CYB5A: variants seen among roughly 807,000 people sequenced by gnomAD.
CYB5A encodes the protein cytochrome b5.
A neutral mutation model predicts 16.2 loss-of-function variants in CYB5A; 10 were observed. The observed-to-expected ratio is 0.62, with a 90% CI of 0.38 to 1.04. The LOEUF (loss-of-function observed/expected upper bound fraction) is 1.04, where lower values mean the gene tolerates loss of function less well. CYB5A is among the 50% of genes least tolerant of loss of function. The pLI is 0.01. For synonymous variants in CYB5A, 62 were observed against 57.0 expected, an observed-to-expected ratio of 1.09 and a Z score of -0.40; for missense variants, 161 against 165.9, an observed-to-expected ratio of 0.97 and a Z score of 0.16.
chr18:74,282,098 G>A (rs1402728451), intron 1 of CYB5A, among the ~76,000 whole-genome samples: 4 of 152,032 alleles, frequency 2.6e-5, no homozygotes, highest in Admixed American at 1.3e-4. Context: ...AGCCTCCCTC[G>A]ATGCCATTCT....
intron 1 of CYB5A, among the ~76,000 whole-genome samples, chr18:74,279,626 C>G (rs1983014230): frequency 6.6e-6 from 1 of 151,924 alleles, no homozygotes; most frequent in Non-Finnish European, 1.5e-5. Context: ...GCAGGATTGA[C>G]AGTGGCATGT....
intron 1 of CYB5A, among the ~76,000 whole-genome samples, chr18:74,289,133 C>T (rs1458506714): frequency 1.3e-5 from 2 of 152,154 alleles, no homozygotes; most frequent in Admixed American, 6.5e-5. Flanking sequence ...AGGGGTCAGC[C>T]ACCCTCTTGT....
At chr18:74,284,233 C>CA (rs1308439463) in intron 1 of CYB5A, among the ~76,000 whole-genome samples, 421 of 72,870 alleles carry the variant, frequency 5.8e-3, no homozygotes, top group Middle Eastern at 0.026. Flanking sequence ...ACTCCATCTC[C>CA]AAAAAAAAAA....
chr18:74,278,751 T>C (rs1026404893), intron 1 of CYB5A, among the ~76,000 whole-genome samples: 5 of 152,230 alleles, frequency 3.3e-5, no homozygotes, highest in African/African-American at 9.7e-5. Flanking sequence ...AGAATGCTGT[T>C]AGAATTTCCT....
chr18:74,253,609 T>C lies in CYB5A; in HGVS notation c.380A>G (p.Tyr127Cys), dbSNP rs777269992. 1.7e-5 allele frequency: 27 copies of C among 1,613,386 alleles called. No individual in the cohort carries two copies. In the South Asian group the frequency reaches 3.0e-4, roughly 18 times the overall value. ...TCAGTCCTCTGCCATGTATAGGCGA[T>C]ACATCAAGGCGACGGCCACTGCAGA... ...AISAVAVALM[Y>C]RLYMAED The change falls in exon 5 of 5, where the codon TAT becomes TGT. Residue 127 changes from tyrosine to cysteine, a missense_variant. Tyr to Cys is a radical substitution (Grantham distance 194). Coordinates refer to ENST00000340533, the MANE Select transcript of CYB5A (RefSeq NM_148923.4).
chr18:74,264,261 A>G (rs1047809665), intron 1 of CYB5A, among the ~76,000 whole-genome samples: 8 of 151,586 alleles, frequency 5.3e-5, no homozygotes, highest in Non-Finnish European at 7.4e-5. Flanking sequence ...CACTAACAAC[A>G]TAAGTTGCTT....
intron 2 of CYB5A, among the ~76,000 whole-genome samples, chr18:74,262,455 CAAA>C (rs5826311): frequency 7.6e-6 from 1 of 132,244 alleles, no homozygotes. Context: ...GACTCTGTCT[CAAA>C]AAAAAAAAAA....
intron 1 of CYB5A, among the ~76,000 whole-genome samples, chr18:74,289,636 C>T (rs962636290): frequency 7.9e-5 from 12 of 151,888 alleles, no homozygotes; most frequent in African/African-American, 2.7e-4. Context: ...ATTAGCTGGG[C>T]GTGATGGTGT....
chr18:74,258,467 AG>A (rs1446071276), intron 3 of CYB5A: 2 of 152,250 alleles, frequency 1.3e-5, no homozygotes, highest in African/African-American at 4.8e-5. Context: ...TCCTTAGGGC[AG>A]GTTCAAGCTA....
chr18:74,254,429 TAC>T (rs1981887454), intron 4 of CYB5A, among the ~76,000 whole-genome samples: 1 of 147,978 alleles, frequency 6.8e-6, no homozygotes, highest in Non-Finnish European at 1.5e-5. Context: ...AGCCTAAATT[TAC>T]AGTCCTGATG....
intron 1 of CYB5A, among the ~76,000 whole-genome samples, chr18:74,266,159 G>T (rs987151533): frequency 7.2e-5 from 11 of 152,194 alleles, no homozygotes; most frequent in African/African-American, 2.7e-4. Context: ...AAGCCAACCC[G>T]AAACTTCTGG....
chr18:74,279,564 A>C (rs1983010890), intron 1 of CYB5A, among the ~76,000 whole-genome samples: 2 of 141,822 alleles, frequency 1.4e-5, no homozygotes, highest in South Asian at 4.9e-4. Flanking sequence ...AATAAATAAA[A>C]AACAAAAGAG....
At chr18:74,282,259 A>G (rs1225788990) in intron 1 of CYB5A, among the ~76,000 whole-genome samples, 1 of 152,218 alleles carries the variant, frequency 6.6e-6, no homozygotes, top group African/African-American at 2.4e-5. Flanking sequence ...GTGTGGAAAA[A>G]GGGGGTAAAA....
chr18:74,280,204 T>C (rs1057172185), intron 1 of CYB5A, among the ~76,000 whole-genome samples: 4 of 152,136 alleles, frequency 2.6e-5, no homozygotes, highest in Non-Finnish European at 4.4e-5. Context: ...GTGCAAAGAA[T>C]TGAAAATGGA....
At chr18:74,291,603 G>C (rs1983544738) in intron 1 of CYB5A, 144 bp downstream of exon 1, 5 of 1,270,496 alleles carry the variant, frequency 3.9e-6, no homozygotes, top group Non-Finnish European at 5.5e-6. Context: ...GCGCGCCCAG[G>C]CGTACACGCG....
intron 1 of CYB5A, among the ~76,000 whole-genome samples, chr18:74,290,208 C>T (rs892524380): frequency 2.6e-5 from 4 of 152,028 alleles, no homozygotes; most frequent in African/African-American, 9.7e-5. Context: ...GAGTGAAATA[C>T]CTTACCAATA....
intron 2 of CYB5A, among the ~76,000 whole-genome samples, chr18:74,262,025 C>A (rs748509427): frequency 2.0e-5 from 3 of 152,170 alleles, no homozygotes; most frequent in Non-Finnish European, 2.9e-5. Flanking sequence ...AAGCTCAGAG[C>A]GCTCGGCAAC....
At chr18:74,261,259 A>C in intron 2 of CYB5A, 1 of 364,586 alleles carries the variant, frequency 2.7e-6, no homozygotes, top group Non-Finnish European at 5.3e-6. Flanking sequence ...GAGGAGCTGA[A>C]GACTGATTCT....
chr18:74,268,861 T>C (rs1213833086), intron 1 of CYB5A, among the ~76,000 whole-genome samples: 1 of 152,142 alleles, frequency 6.6e-6, no homozygotes, highest in Non-Finnish European at 1.5e-5. Flanking sequence ...TGCCCACATA[T>C]CTTGTAGCTC....
Sources: allele counts gnomAD v4.1 joint callset (sites outside exome capture counted in the v4.1 genomes callset), GRCh38; gene constraint gnomAD v4.1.1; transcripts MANE v1.5; gene names NCBI Gene and HGNC (gene_info 2026-07-23, HGNC 2026-07-21).